The following ABCA10 variants were observed in gnomAD, a reference collection of about 807,000 sequenced individuals.
ABCA10 encodes ATP-binding cassette sub-family A member 10.
ABCA10 carries 169 observed loss-of-function variants against 187.5 expected under a neutral mutation model. That is an observed-to-expected ratio of 0.90 (90% CI 0.80 to 1.02). The LOEUF (loss-of-function observed/expected upper bound fraction) is 1.02, where lower values mean the gene tolerates loss of function less well. Among genes scored for constraint, ABCA10 ranks in the 50% least tolerant of loss-of-function variants. ABCA10 has a pLI of 0.00. For missense variants in ABCA10, 1,727 were observed against 1,812.4 expected (o/e 0.95, Z 0.86); for synonymous variants, 574 against 601.8 (o/e 0.95, Z 0.68).
At chr17:69,169,692 T>C (rs980473423) in intron 25 of ABCA10, among the ~76,000 whole-genome samples, 2 of 152,208 alleles carry the variant, frequency 1.3e-5, no homozygotes, top group Non-Finnish European at 2.9e-5. Flanking sequence ...ATAGTCTTGA[T>C]TGATAACAAA....
At chr17:69,197,755 C>T (rs1262183563) in intron 10 of ABCA10, among the ~76,000 whole-genome samples, 1 of 152,160 alleles carries the variant, frequency 6.6e-6, no homozygotes, top group East Asian at 1.9e-4. Flanking sequence ...ACATCTTCCT[C>T]TTACTATTCC....
At chr17:69,153,222 A>C in intron 34 of ABCA10, 83 bp downstream of exon 34, 8 of 1,495,478 alleles carry the variant, frequency 5.3e-6, no homozygotes, top group Non-Finnish European at 6.3e-6. Context: ...AGCAAAATGT[A>C]ACAAAGAAAC....
At chr17:69,156,977 A>C in intron 27 of ABCA10, 54 bp from the exon 28 acceptor site, 1 of 1,045,952 alleles carries the variant, frequency 9.6e-7, no homozygotes, top group Non-Finnish European at 1.3e-6. Context: ...TTCACACTCA[A>C]TGGTGAATAT....
At chr17:69,162,873 CT>C (rs2074228653) in intron 27 of ABCA10, among the ~76,000 whole-genome samples, 1 of 83,680 alleles carries the variant, frequency 1.2e-5, no homozygotes, top group African/African-American at 4.3e-5. Context: ...GAGTCTCTCT[CT>C]GTTGCCCAGG....
At chr17:69,227,001 T>A (rs2074798980) in intron 2 of ABCA10, 144 bp downstream of exon 2, 1 of 151,660 alleles carries the variant, frequency 6.6e-6, no homozygotes. Flanking sequence ...TTTGCAGTAT[T>A]TAGAATCTCA....
At chr17:69,170,683 A>T (rs2074291832) in intron 25 of ABCA10, among the ~76,000 whole-genome samples, 1 of 152,104 alleles carries the variant, frequency 6.6e-6, no homozygotes, top group Non-Finnish European at 1.5e-5. Flanking sequence ...AAAGGGTCTT[A>T]CCCATACTGT....
At chr17:69,212,348 A>T (rs1163845005) in intron 9 of ABCA10, among the ~76,000 whole-genome samples, 2 of 152,110 alleles carry the variant, frequency 1.3e-5, no homozygotes, top group Non-Finnish European at 2.9e-5. Flanking sequence ...ACAGTGCTTG[A>T]TATAATGTTG....
chr17:69,176,295 C>A (rs2074333492), intron 22 of ABCA10, among the ~76,000 whole-genome samples: 1 of 152,026 alleles, frequency 6.6e-6, no homozygotes, highest in African/African-American at 2.4e-5. Flanking sequence ...TAGAAGAGAG[C>A]AAATCTTCCC....
At chr17:69,211,866 T>A (rs1459542049) in intron 9 of ABCA10, among the ~76,000 whole-genome samples, 2 of 152,206 alleles carry the variant, frequency 1.3e-5, no homozygotes, top group Non-Finnish European at 2.9e-5. Context: ...TATTTGGATC[T>A]TCTCTCTTTT....
intron 14 of ABCA10, 75 bp from the exon 15 acceptor site, chr17:69,193,323 T>A (rs1483442505): frequency 1.9e-6 from 3 of 1,564,452 alleles, no homozygotes; most frequent in African/African-American, 1.4e-5. Flanking sequence ...TGAAAACAAG[T>A]ATGATTTCTA....
chr17:69,191,318 A>C lies in ABCA10; in HGVS notation c.1872-3T>G, dbSNP rs879244287. 6.5e-7 allele frequency: 1 copy of C among 1,534,778 alleles called. No individual in the cohort carries two copies. Among genetic ancestry groups the C allele is most frequent in the Admixed American group, 1.9e-5 (1 of 51,840 alleles). The stretch of plus-strand genomic sequence containing the variant: ...CACACATTTCATTCCTGTGTAAACT[A>C]TTATTTCAAAAGAGCCATAAGTCTC... On this transcript the variant is annotated splice_region_variant and splice_polypyrimidine_tract_variant and intron_variant, in intron 16 of 38. Transcript: ENST00000690296.
intron 27 of ABCA10, among the ~76,000 whole-genome samples, chr17:69,160,066 T>C (rs2074203216): frequency 6.6e-6 from 1 of 152,186 alleles, no homozygotes; most frequent in African/African-American, 2.4e-5. Flanking sequence ...AAAATTGGAC[T>C]AGACAGCGAT....
At chr17:69,196,936 G>C (rs1467477179) in intron 11 of ABCA10, 128 bp downstream of exon 11, 14 of 658,182 alleles carry the variant, frequency 2.1e-5, no homozygotes, top group Non-Finnish European at 3.3e-5. Context: ...ATCAGGCAGG[G>C]AGGTTGCAGT....
Position 69,185,466 on chromosome 17 carries a change from C to G in ABCA10, c.2497+11G>C. On this transcript the variant is annotated intron_variant, in intron 20 of 38. Coordinates refer to ENST00000690296, the MANE Select transcript of ABCA10 (RefSeq NM_001377321.1). ...TAAAAACTCACACTAAATTTCAGCC[C>G]CATTTCTCACCTGTATTATTAACGA... The G allele has an allele frequency of 6.3e-7, 1 of 1,597,542 alleles. No homozygotes were observed. The highest frequency in any genetic ancestry group is 8.5e-7 in the Non-Finnish European group (1 of 1,170,874).
chr17:69,152,575 T>C, intron 34 of ABCA10, 94 bp from the exon 35 acceptor site: 11 of 1,495,592 alleles, frequency 7.4e-6, no homozygotes, highest in Non-Finnish European at 9.9e-6. Context: ...GAAAATGTTA[T>C]GTTAGGATGC....
At chr17:69,210,481 G>A (rs1222239104) in intron 9 of ABCA10, among the ~76,000 whole-genome samples, 4 of 151,684 alleles carry the variant, frequency 2.6e-5, no homozygotes, top group African/African-American at 4.9e-5. Flanking sequence ...GAGCCACCGC[G>A]CCCGGCCTTT....
chr17:69,170,437 C>CAAAAA (rs71144658), intron 25 of ABCA10, among the ~76,000 whole-genome samples: 5 of 109,684 alleles, frequency 4.6e-5, no homozygotes, highest in Non-Finnish European at 5.7e-5. Context: ...TTTTACTCAT[C>CAAAAA]AAAAAAAAAA....
upstream of ABCA10, among the ~76,000 whole-genome samples, chr17:69,231,730 A>C (rs1478989849): frequency 2.0e-5 from 3 of 152,172 alleles, no homozygotes; most frequent in Non-Finnish European, 4.4e-5. Context: ...GTTGAGAAGA[A>C]TGTGTATTCT....
At chr17:69,209,831 C>G (rs1488763478) in intron 9 of ABCA10, among the ~76,000 whole-genome samples, 1 of 152,176 alleles carries the variant, frequency 6.6e-6, no homozygotes, top group East Asian at 1.9e-4. Context: ...CAGCATGTTA[C>G]TGTACTCTAT....
Sources: allele counts gnomAD v4.1 joint callset (sites outside exome capture counted in the v4.1 genomes callset), GRCh38; gene constraint gnomAD v4.1.1; transcripts MANE v1.5; gene names NCBI Gene and HGNC (gene_info 2026-07-23, HGNC 2026-07-21).